The following SMG1 variants were observed in gnomAD, a reference collection of about 807,000 sequenced individuals.
SMG1 encodes the protein SMG1 nonsense mediated mRNA decay associated PI3K related kinase.
A neutral mutation model predicts 419.9 loss-of-function variants in SMG1; 22 were observed. The ratio of observed to expected loss-of-function variants is 0.05; its 90% CI spans 0.04 to 0.07. SMG1 has a LOEUF of 0.07. Among genes scored for constraint, SMG1 ranks in the 10% least tolerant of loss-of-function variants. SMG1 has a pLI of 1.00. For synonymous variants in SMG1, 1,538 were observed against 1,553.5 expected (o/e 0.99, Z 0.23); for missense variants, 3,185 against 4,342.0 (o/e 0.73, Z 7.49).
intron 38 of SMG1, among the ~76,000 whole-genome samples, chr16:18,847,238 T>C (rs539383176): frequency 6.6e-6 from 1 of 151,910 alleles, no homozygotes; most frequent in East Asian, 1.9e-4. Context: ...GAGGGGGAAA[T>C]GAAGAGATAA....
Position 18,889,461 on chromosome 16 carries a change from T to G in SMG1, c.733A>C (p.Lys245Gln). The G allele has an allele frequency of 1.7e-6, 1 of 597,106 alleles. No homozygotes were observed. The highest frequency in any genetic ancestry group is 2.9e-6 in the Non-Finnish European group (1 of 343,386). The allele number at this position is 597,106 out of a possible 1,614,324, so 37.0% of individuals were successfully genotyped here. A position where few individuals can be genotyped will look rare whatever the true frequency, so the allele number is the denominator to read the frequency against. Residue 245 changes from lysine (K) to glutamine (Q), a missense_variant, in exon 6 of 63, where the codon AAA becomes CAA. Coordinates refer to ENST00000446231, the MANE Select transcript of SMG1 (RefSeq NM_015092.5). ...AAGTAGAGGAGTTTAACTTCATCTT[T>G]TGCAGATGAGCTAAATTTGCTAAAA... ...WIFSKFSSSA[K>Q]DEVKLLYLCA... is the part of the protein sequence containing the mutation.
intron 1 of SMG1, among the ~76,000 whole-genome samples, chr16:18,919,830 G>A (rs943572410): frequency 1.2e-4 from 18 of 151,926 alleles, no homozygotes; most frequent in Admixed American, 2.6e-4. Context: ...GTCCAGGCAC[G>A]GTGTCTCACT....
At chr16:18,815,876 A>G (rs2031954182) in intron 58 of SMG1, 1 of 529,038 alleles carries the variant, frequency 1.9e-6, no homozygotes, top group African/African-American at 1.9e-5. Flanking sequence ...TGATGAAGTA[A>G]TAGCCTTTTC....
In SMG1 at chr16:18,834,284, G is replaced by A. The variant is rs778632980; in HGVS notation, c.8485C>T (p.Pro2829Ser). 1.9e-6 allele frequency: 3 copies of A among 1,611,234 alleles called. No individual in the cohort carries two copies. The highest frequency in any genetic ancestry group is 2.7e-5 in the African/African-American group (2 of 74,830). Residue 2829 changes from proline to serine, a missense_variant, in exon 50 of 63, where the codon CCA becomes TCA. Physicochemically the swap from Pro to Ser is moderately conservative, Grantham distance 74. Around this residue, in one of 27 missense-constraint regions of SMG1, gnomAD observed 412 missense variants for 546.6 expected, o/e 0.75. Coordinates refer to ENST00000446231, the MANE Select transcript of SMG1 (RefSeq NM_015092.5). ...GGGTTCGGGATATCTAAGTCCTGTG[G>A]CACCAGGTGGCACTGCTTCAGTAAC... The part of the protein sequence containing the change: ...VQLLKQCHLV[P>S]QDLDIPNPME...
chr16:18,886,025 A>G (rs2036597704), intron 6 of SMG1, among the ~76,000 whole-genome samples: 1 of 152,196 alleles, frequency 6.6e-6, no homozygotes, highest in African/African-American at 2.4e-5. Context: ...AAAAACAAAT[A>G]CTGTTTTCTC....
chr16:18,843,286 A>G (rs1376619624), intron 39 of SMG1, among the ~76,000 whole-genome samples: 1 of 152,262 alleles, frequency 6.6e-6, no homozygotes, highest in East Asian at 1.9e-4. Context: ...GAGACTTAAC[A>G]AAACTGAAGA....
intron 30 of SMG1, 117 bp downstream of exon 30, chr16:18,854,539 G>C (rs988864511): frequency 6.2e-6 from 6 of 970,018 alleles, no homozygotes; most frequent in Admixed American, 6.0e-5. Context: ...CAAATGTTCT[G>C]CAACAGCTGG....
intron 10 of SMG1, among the ~76,000 whole-genome samples, chr16:18,881,327 T>C (rs1205105601): frequency 2.6e-5 from 4 of 152,080 alleles, no homozygotes; most frequent in African/African-American, 9.7e-5. Context: ...GCAAAGATAT[T>C]AAACCATTTT....
chr16:18,899,654 G>A (rs2037271261), intron 1 of SMG1, among the ~76,000 whole-genome samples: 1 of 152,144 alleles, frequency 6.6e-6, no homozygotes. Context: ...GAACGGAAAT[G>A]AGCACTTAAA....
Position 18,868,209 on chromosome 16 carries a change from T to C in SMG1, c.3176A>G (p.Lys1059Arg), listed in dbSNP as rs1213206149. 6.4e-7 allele frequency: 1 copy of C among 1,574,324 alleles called. No homozygotes were observed. The highest frequency in any genetic ancestry group is 1.3e-5 in the African/African-American group (1 of 74,646). Residue 1059 changes from lysine to arginine, a missense_variant, in exon 22 of 63, where the codon AAA becomes AGA. Around this residue, in one of 27 missense-constraint regions of SMG1, gnomAD observed 70 missense variants for 185.7 expected, o/e 0.38. Transcript: ENST00000446231. ...CATTACCTGAGATAGGCTGGTTGTTTTCATCTCTGTAAGCAAGTCAAAGCC... is the reference window on the plus strand; with the variant it reads ...CATTACCTGAGATAGGCTGGTTGTTCTCATCTCTGTAAGCAAGTCAAAGCC... ...RHGFDLLTEM[K>R]TTSLSQGNEL...
At position 18,829,992 on chromosome 16, in the gene SMG1, G is replaced by C; in HGVS notation, c.9067C>G (p.Leu3023Val). The C allele has an allele frequency of 6.3e-7, 1 of 1,590,262 alleles. No individual in the cohort carries two copies. The highest frequency in any genetic ancestry group is 8.6e-7 in the Non-Finnish European group (1 of 1,167,914). Reference sequence around the variant, plus strand: ...TCCTTAATAGTCTGTAGTCTTTTTAGAAAGAAAATCTCTTCTAGCACCTGC... The same window carrying C: ...TCCTTAATAGTCTGTAGTCTTTTTACAAAGAAAATCTCTTCTAGCACCTGC... ...HRQVLEEIFF[L>V]KRLQTIKEFF... The change falls in exon 53 of 63, where the codon CTA (leucine) becomes GTA (valine). Residue 3023 changes from leucine to valine, a missense_variant. Leu to Val is a conservative substitution (Grantham distance 32). Around this residue, in one of 27 missense-constraint regions of SMG1, gnomAD observed 737 missense variants for 846.6 expected, o/e 0.87. Transcript: ENST00000446231.
At position 18,914,003 on chromosome 16, in the gene SMG1, C is replaced by T. The variant is rs140860416; in HGVS notation, c.92+11947G>A. Among the ~76,000 whole-genome samples, 105 of 152,042 alleles carry T rather than the reference C, an allele frequency of 6.9e-4. 3 individuals are homozygous for T. The East Asian group carries it at 7.5e-3, about 11-fold the overall frequency. On this transcript the variant is annotated intron_variant, in intron 1 of 62. Transcript: ENST00000446231. The stretch of plus-strand genomic sequence containing the variant: ...CTAACACAGTGAAACCCTGTCTCTA[C>T]TAAAAATACAAAAAATTAGCCAGGC...
At position 18,867,951 on chromosome 16, in the gene SMG1, G is replaced by A. The variant is rs1286649907; in HGVS notation, c.3195+239C>T. On this transcript the variant is annotated intron_variant, in intron 22 of 62. Coordinates refer to ENST00000446231, the MANE Select transcript of SMG1 (RefSeq NM_015092.5). ...TCTCGATCTCCTGACCTCATGATCC[G>A]CCCACCTCTGCCTCCCAAAGTGCTG... 7.9e-5 allele frequency among the ~76,000 whole-genome samples: 12 copies of A among 151,918 alleles called. 1 individual carries two copies. The highest frequency in any genetic ancestry group is 2.1e-4 in the South Asian group (1 of 4,804).
chr16:18,847,658 C>G, intron 37 of SMG1, 51 bp from the exon 38 acceptor site: 2 of 1,609,268 alleles, frequency 1.2e-6, no homozygotes, highest in East Asian at 2.2e-5. Context: ...ATGCACAGCA[C>G]AGCTCTTCAA....
chr16:18,910,664 T>A (rs574678860), intron 1 of SMG1, among the ~76,000 whole-genome samples: 4 of 152,212 alleles, frequency 2.6e-5, no homozygotes, highest in African/African-American at 9.6e-5. Context: ...CAAAATCTTG[T>A]AATTGCTTAA....
At chr16:18,833,250 G>T in intron 50 of SMG1, 84 bp from the exon 51 acceptor site, 1 of 993,190 alleles carries the variant, frequency 1.0e-6, no homozygotes, top group Non-Finnish European at 1.5e-6. Context: ...CATACATTAA[G>T]AGCAAACTTA....
Position 18,837,398 on chromosome 16 carries a change from T to G in SMG1, c.7459A>C (p.Lys2487Gln), listed in dbSNP as rs1475449619. ...NRDEMLVVLP[K>Q]LDGSLDEYLS... ...TATTCATCTAAGCTACCGTCCAACT[T>G]GGGAAGCACAACCAGCATCTCATCT... Residue 2487 changes from lysine (K) to glutamine (Q), a missense_variant, in exon 46 of 63, where the codon AAG becomes CAG. Around this residue, in one of 27 missense-constraint regions of SMG1, gnomAD observed 412 missense variants for 546.6 expected, o/e 0.75. Transcript: ENST00000446231. 1.2e-6 allele frequency: 2 copies of G among 1,613,938 alleles called. No homozygotes were observed. Among genetic ancestry groups the G allele is most frequent in the East Asian group, 4.5e-5 (2 of 44,886 alleles).
intron 1 of SMG1, among the ~76,000 whole-genome samples, chr16:18,916,433 T>G (rs998907165): frequency 2.1e-5 from 3 of 140,818 alleles, no homozygotes; most frequent in African/African-American, 7.9e-5. Flanking sequence ...GAGAATGGCG[T>G]GAACCCCGGG....
chr16:18,884,499 G>A (rs537673656), intron 8 of SMG1, among the ~76,000 whole-genome samples: 1 of 152,124 alleles, frequency 6.6e-6, no homozygotes, highest in South Asian at 2.1e-4. Flanking sequence ...TAATCCCAGG[G>A]CCACATCTAA....
Sources: gnomAD v4.1 joint callset for allele counts (sites outside exome capture counted in the v4.1 genomes callset) on GRCh38, gnomAD v4.1.1 for gene constraint, gnomAD v4.1.1 regional missense constraint, MANE v1.5 for transcripts, NCBI Gene and HGNC (gene_info 2026-07-23, HGNC 2026-07-21) for gene names.